The following ZSCAN5A variants were observed in gnomAD, a reference collection of about 807,000 sequenced individuals.
The protein encoded by ZSCAN5A is zinc finger and SCAN domain containing 5A, also known as zinc finger and SCAN domain-containing protein 5A.
A neutral mutation model predicts 23.7 loss-of-function variants in ZSCAN5A; 12 were observed. That is an observed-to-expected ratio of 0.51 (90% CI 0.32 to 0.82). The LOEUF is 0.82. Ranked by LOEUF, ZSCAN5A falls within the 40% of genes least tolerant of loss-of-function variation. ZSCAN5A has a pLI of 0.03. For missense variants in ZSCAN5A, 597 were observed against 617.9 expected (o/e 0.97, Z 0.36); for synonymous variants, 257 against 239.9 (o/e 1.07, Z -0.66).
At chr19:56,311,572 A>G (rs2041037739) in intron 2 of ZSCAN5A, among the ~76,000 whole-genome samples, 1 of 152,238 alleles carries the variant, frequency 6.6e-6, no homozygotes, top group Non-Finnish European at 1.5e-5. Flanking sequence ...TCATAGACGG[A>G]TGGAAAATTC....
chr19:56,226,722 A>G (rs2033978513), intron 2 of ZSCAN5A, among the ~76,000 whole-genome samples: 1 of 152,212 alleles, frequency 6.6e-6, no homozygotes. Flanking sequence ...GCAGGTACAC[A>G]GAGGAAAGGA....
intron 2 of ZSCAN5A, chr19:56,301,800 C>T (rs2040250950): frequency 3.0e-6 from 2 of 667,762 alleles, no homozygotes; most frequent in Non-Finnish European, 4.2e-6. Flanking sequence ...TGGTGGTAAC[C>T]AAGAAGGGGG....
intron 2 of ZSCAN5A, among the ~76,000 whole-genome samples, chr19:56,336,799 A>G (rs2041541866): frequency 6.6e-6 from 1 of 152,118 alleles, no homozygotes; most frequent in Non-Finnish European, 1.5e-5. Context: ...TTTTCCTTCT[A>G]ACAGTCAGGA....
chr19:56,290,044 C>A (rs1270376218), intron 2 of ZSCAN5A, among the ~76,000 whole-genome samples: 1 of 152,298 alleles, frequency 6.6e-6, no homozygotes, highest in East Asian at 1.9e-4. Context: ...TCAAATGGAA[C>A]CCAAGTTATA....
chr19:56,350,905 T>C (rs1159581505), intron 2 of ZSCAN5A, among the ~76,000 whole-genome samples: 1 of 152,102 alleles, frequency 6.6e-6, no homozygotes, highest in Non-Finnish European at 1.5e-5. Context: ...AATTAAACTT[T>C]AAATGGTGCT....
At chr19:56,298,523 G>C (rs1231446273) in intron 2 of ZSCAN5A, among the ~76,000 whole-genome samples, 3 of 151,058 alleles carry the variant, frequency 2.0e-5, no homozygotes, top group Non-Finnish European at 4.4e-5. Context: ...CGTGGTGGCG[G>C]GTGCCTGTAG....
intron 2 of ZSCAN5A, among the ~76,000 whole-genome samples, chr19:56,270,290 C>T (rs935868148): frequency 3.9e-5 from 6 of 152,056 alleles, no homozygotes; most frequent in East Asian, 1.9e-4. Context: ...TGGTGGCGCA[C>T]GCCTGTAATC....
At position 56,225,031 on chromosome 19, in the gene ZSCAN5A, T is replaced by C. The variant is rs2033776071; in HGVS notation, c.16A>G (p.Thr6Ala). The part of the protein sequence containing the change: MAANC[T>A]SSWSLGESCN... ...GATTCTCCTAGACTCCATGAGGATGTGCAATTTGCAGCCATATCTAGTGGA... is the reference window on the plus strand; with the variant it reads ...GATTCTCCTAGACTCCATGAGGATGCGCAATTTGCAGCCATATCTAGTGGA... Residue 6 changes from threonine (T) to alanine (A), a missense_variant, in exon 3 of 6, where the codon ACA (threonine) becomes GCA (alanine). Physicochemically the swap from Thr to Ala is moderately conservative, Grantham distance 58. This residue lies in a region of ZSCAN5A where 72 missense variants were observed against 76.8 expected (regional missense o/e 0.94). Transcript: ENST00000683990. The C allele has an allele frequency of 6.3e-7, 1 of 1,599,168 alleles. No homozygotes were observed. Among genetic ancestry groups the C allele is most frequent in the South Asian group, 1.1e-5 (1 of 89,496 alleles).
At chr19:56,290,190 G>C (rs1419942731) in intron 2 of ZSCAN5A, among the ~76,000 whole-genome samples, 1 of 152,208 alleles carries the variant, frequency 6.6e-6, no homozygotes, top group East Asian at 1.9e-4. Context: ...AGGTTTCTCA[G>C]GTGCTTCTGA....
At chr19:56,226,748 T>G (rs2033981453) in intron 2 of ZSCAN5A, among the ~76,000 whole-genome samples, 1 of 152,108 alleles carries the variant, frequency 6.6e-6, no homozygotes, top group African/African-American at 2.4e-5. Flanking sequence ...GGACGTGGAC[T>G]CCAAAACAGT....
rs1316444550 is a variant in ZSCAN5A at position 56,222,673 on chromosome 19, C to T, written c.657G>A (p.Gln219=). ...TTTCCTTCAGATCCTTCTCCAAGGT[C>T]TGCTTGGGTCTCAGAGACTTTGGGT... The part of the protein sequence containing the change: ...TGDPKSLRPK[Q]TLEKDLKENR... The change falls in exon 5 of 6, where the codon CAG becomes CAA. Residue 219 remains glutamine, a synonymous_variant. Coordinates refer to ENST00000683990, the MANE Select transcript of ZSCAN5A (RefSeq NM_001322064.3). The T allele has an allele frequency of 6.2e-7, 1 of 1,614,050 alleles. No individual in the cohort carries two copies. The highest frequency in any genetic ancestry group is 8.5e-7 in the Non-Finnish European group (1 of 1,180,056).
chr19:56,297,215 A>AGTCCC (rs2039932838), intron 2 of ZSCAN5A, among the ~76,000 whole-genome samples: 1 of 152,186 alleles, frequency 6.6e-6, no homozygotes, highest in Non-Finnish European at 1.5e-5. Flanking sequence ...GAGGCAGCTG[A>AGTCCC]GTCCCTGGGA....
At chr19:56,284,662 C>T (rs7254222) in intron 2 of ZSCAN5A, among the ~76,000 whole-genome samples, 1,597 of 151,724 alleles carry the variant, frequency 0.011, 29 homozygotes, top group African/African-American at 0.037. Flanking sequence ...TTACAGGCAC[C>T]CACCACCATG....
intron 2 of ZSCAN5A, chr19:56,295,745 G>A (rs1281156897): frequency 2.0e-5 from 3 of 152,484 alleles, no homozygotes; most frequent in Non-Finnish European, 4.4e-5. Context: ...ACTGTTCTGC[G>A]CTGTTCACTG....
At position 56,260,309 on chromosome 19, in the gene ZSCAN5A, G is replaced by A. The variant is rs148082668; in HGVS notation, c.-127-35136C>T. On this transcript the variant is annotated intron_variant, in intron 2 of 5. Transcript: ENST00000683990. Reference sequence around the variant, plus strand: ...GGCTCACTGCAACCTCCGCTTCCAGGGTTCAAGCAATTCTCCTGCCTTAGC... The same window carrying A: ...GGCTCACTGCAACCTCCGCTTCCAGAGTTCAAGCAATTCTCCTGCCTTAGC... Among the ~76,000 whole-genome samples the A allele has an allele frequency of 5.6e-3, 842 of 151,046 alleles. 8 individuals carry two copies. Among genetic ancestry groups the A allele is most frequent in the African/African-American group, 0.019 (784 of 41,034 alleles).
chr19:56,282,118 G>A (rs1195287444), intron 2 of ZSCAN5A, among the ~76,000 whole-genome samples: 2 of 152,142 alleles, frequency 1.3e-5, no homozygotes, highest in Non-Finnish European at 2.9e-5. Flanking sequence ...GGTACAGGGT[G>A]GGTAAGACGT....
At chr19:56,293,894 G>A (rs1451338324) in intron 2 of ZSCAN5A, among the ~76,000 whole-genome samples, 4 of 152,106 alleles carry the variant, frequency 2.6e-5, no homozygotes, top group Non-Finnish European at 5.9e-5. Flanking sequence ...TCGTCTGGAG[G>A]TTGAGAAACC....
intron 2 of ZSCAN5A, among the ~76,000 whole-genome samples, chr19:56,254,173 T>C (rs2146775123): frequency 6.6e-6 from 1 of 152,146 alleles, no homozygotes; most frequent in African/African-American, 2.4e-5. Context: ...TACTAGAATG[T>C]ATATTTAAAT....
chr19:56,233,655 G>T (rs1600029179), intron 2 of ZSCAN5A, among the ~76,000 whole-genome samples: 11 of 129,416 alleles, frequency 8.5e-5, no homozygotes, highest in Admixed American at 1.6e-4. Context: ...TTTCACAGCT[G>T]CTTAAAAAAA....
Sources: allele counts gnomAD v4.1 joint callset (sites outside exome capture counted in the v4.1 genomes callset), GRCh38; gene constraint gnomAD v4.1.1; regional missense constraint gnomAD v4.1.1; transcripts MANE v1.5; gene names NCBI Gene and HGNC (gene_info 2026-07-23, HGNC 2026-07-21).